Variants in PCDHGA11 observed in about 807,000 individuals in gnomAD.
The protein encoded by PCDHGA11 is protocadherin gamma subfamily A, 11.
In PCDHGA11, 39 loss-of-function variants were observed where a neutral mutation model predicts 60.4. The observed-to-expected ratio is 0.65, with a 90% CI of 0.50 to 0.84. The LOEUF (loss-of-function observed/expected upper bound fraction) is 0.84. PCDHGA11 is among the 40% of genes least tolerant of loss of function. The pLI is 0.00. For synonymous variants in PCDHGA11, 533 were observed against 510.3 expected (o/e 1.04, Z -0.60); for missense variants, 1,165 against 1,197.7 (o/e 0.97, Z 0.40).
At chr5:141,458,774 A>G (rs2154566349) in intron 1 of PCDHGA11, among the ~76,000 whole-genome samples, 1 of 151,812 alleles carries the variant, frequency 6.6e-6, no homozygotes, top group Admixed American at 6.6e-5. Flanking sequence ...GCTGTGTCAC[A>G]CAGGCTGGAG....
At position 141,477,763 on chromosome 5, in the gene PCDHGA11, C is replaced by A. The variant is rs763322593; in HGVS notation, c.2434-17044C>A. On this transcript the variant is annotated intron_variant, in intron 1 of 3. Coordinates refer to ENST00000398587, the MANE Select transcript of PCDHGA11 (RefSeq NM_018914.3). The surrounding 1 kb of genome is among the most constrained non-coding windows in gnomAD (Gnocchi z 4.9). ...ATGGGGGCACCCCGGTCCTAGCCAC[C>A]AACATCAGCGTGAACATATTTGTCA... 5.0e-6 allele frequency: 8 copies of A among 1,613,894 alleles called. No homozygotes were observed. The East Asian group carries it at 1.6e-4, about 31-fold the overall frequency.
chr5:141,477,629 C>T lies in PCDHGA11; in HGVS notation c.2434-17178C>T, dbSNP rs1191573380. 6.2e-7 allele frequency: 1 copy of T among 1,614,158 alleles called. No homozygotes were observed. Reference sequence around the variant, plus strand: ...CTTGGAGCAAGGAGCTGAAACCGGGCTAGTGGGTCGCTATTTCACAATAAA... The same window carrying T: ...CTTGGAGCAAGGAGCTGAAACCGGGTTAGTGGGTCGCTATTTCACAATAAA... On this transcript the variant is annotated intron_variant, in intron 1 of 3. Coordinates refer to ENST00000398587, the MANE Select transcript of PCDHGA11 (RefSeq NM_018914.3). The surrounding 1 kb of genome is among the most constrained non-coding windows in gnomAD (Gnocchi z 4.9).
intron 1 of PCDHGA11, among the ~76,000 whole-genome samples, chr5:141,482,089 C>CAA (rs36035257): frequency 1.0e-3 from 137 of 134,516 alleles, no homozygotes; most frequent in African/African-American, 1.5e-3. Context: ...CACTCCATCT[C>CAA]AAAAAAAAAA....
At position 141,489,369 on chromosome 5, in the gene PCDHGA11, G is replaced by T; in HGVS notation, c.2434-5438G>T. ...TGGTGGAGGAGTCTGAGCCGGGGAC[G>T]CTGGTGGGGAATGTTGCTCAGGATC... On this transcript the variant is annotated intron_variant, in intron 1 of 3. Coordinates refer to ENST00000398587, the MANE Select transcript of PCDHGA11 (RefSeq NM_018914.3). This position sits in a 1 kb window ranked among gnomAD's most constrained non-coding sequence, Gnocchi z 4.5. 6.2e-7 allele frequency: 1 copy of T among 1,613,592 alleles called. No homozygotes were observed.
At chr5:141,427,856 C>T (rs1487451079) in intron 1 of PCDHGA11, 6 of 1,553,060 alleles carry the variant, frequency 3.9e-6, no homozygotes, top group Non-Finnish European at 5.3e-6. Flanking sequence ...AGCAGCTGTG[C>T]GCCTTCGAGC....
chr5:141,492,461 G>T (rs1218833302), intron 1 of PCDHGA11, among the ~76,000 whole-genome samples: 1 of 152,212 alleles, frequency 6.6e-6, no homozygotes, highest in Non-Finnish European at 1.5e-5. Flanking sequence ...CGCGCCTGAG[G>T]GTCCCAGATC....
chr5:141,491,438 G>A lies in PCDHGA11; in HGVS notation c.2434-3369G>A, dbSNP rs376927300. The A allele has an allele frequency of 3.7e-6, 6 of 1,614,066 alleles. No homozygotes were observed. Among genetic ancestry groups the A allele is most frequent in the Admixed American group, 1.7e-5 (1 of 60,016 alleles). On this transcript the variant is annotated intron_variant, in intron 1 of 3. Coordinates refer to ENST00000398587, the MANE Select transcript of PCDHGA11 (RefSeq NM_018914.3). This position sits in a 1 kb window ranked among gnomAD's most constrained non-coding sequence, Gnocchi z 6.9. ...GGGGGTGGAGGGCAGTGCTGCAGGC[G>A]CCAGGACTCACCCTCCCCGGACTTC...
intron 1 of PCDHGA11, among the ~76,000 whole-genome samples, chr5:141,453,217 G>A (rs770914741): frequency 1.2e-4 from 19 of 152,100 alleles, no homozygotes; most frequent in Admixed American, 1.0e-3. Context: ...GCACTTAAGC[G>A]ATCCTCCCAC....
At position 141,489,295 on chromosome 5, in the gene PCDHGA11, T is replaced by C. The variant is rs2099685128; in HGVS notation, c.2434-5512T>C. 1.3e-6 allele frequency: 2 copies of C among 1,581,054 alleles called. No individual in the cohort carries two copies. The highest frequency in any genetic ancestry group is 1.7e-5 in the Admixed American group (1 of 57,148). ...TGGGAAATGGCAAGTGCTGTGCATG[T>C]TGTCCTTGTGCTGCTGGGGCTGGGT... On this transcript the variant is annotated intron_variant, in intron 1 of 3. Transcript: ENST00000398587. The surrounding 1 kb of genome is among the most constrained non-coding windows in gnomAD (Gnocchi z 4.5).
At position 141,487,148 on chromosome 5, in the gene PCDHGA11, G is replaced by A; in HGVS notation, c.2434-7659G>A. ...TGGTAGTCCACCACTCTCTACCTCT[G>A]TTACTCTCTTAGTGTCCTTAGAGGA... On this transcript the variant is annotated intron_variant, in intron 1 of 3. Transcript: ENST00000398587. This position sits in a 1 kb window ranked among gnomAD's most constrained non-coding sequence, Gnocchi z 5.0. The A allele has an allele frequency of 6.2e-7, 1 of 1,614,042 alleles. No homozygotes were observed. The highest frequency in any genetic ancestry group is 8.5e-7 in the Non-Finnish European group (1 of 1,179,922).
chr5:141,471,404 TTA>T (rs1320685792), intron 1 of PCDHGA11: 3 of 152,170 alleles, frequency 2.0e-5, no homozygotes, highest in Non-Finnish European at 4.4e-5. Flanking sequence ...GTAGCTAGGC[TTA>T]GTTATGTTTT....
rs1168649993 is a variant in PCDHGA11, at chr5:141,432,243, C to G, written c.2433+8583C>G. On this transcript the variant is annotated intron_variant, in intron 1 of 3. Transcript: ENST00000398587. The surrounding 1 kb of genome is among the most constrained non-coding windows in gnomAD (Gnocchi z 6.0). ...ATCACTTATTCCCTGGCTGAGAACA[C>G]CATCCAAGGGGCAAGCCTATCGTCC... 1 of 1,614,244 alleles carries G rather than the reference C, an allele frequency of 6.2e-7. No individual in the cohort carries two copies. Among genetic ancestry groups the G allele is most frequent in the Non-Finnish European group, 8.5e-7 (1 of 1,180,050 alleles).
chr5:141,487,688 G>T lies in PCDHGA11; in HGVS notation c.2434-7119G>T, dbSNP rs376927186. ...AGGCATATGGCTAGGCCATGTCCTAGAGAGTACTGGCCTCTCAGTAAGTGC... is the reference window on the plus strand; with the variant it reads ...AGGCATATGGCTAGGCCATGTCCTATAGAGTACTGGCCTCTCAGTAAGTGC... On this transcript the variant is annotated intron_variant, in intron 1 of 3. Coordinates refer to ENST00000398587, the MANE Select transcript of PCDHGA11 (RefSeq NM_018914.3). The surrounding 1 kb of genome is among the most constrained non-coding windows in gnomAD (Gnocchi z 5.0). 1.2e-6 allele frequency: 2 copies of T among 1,604,966 alleles called. No individual in the cohort carries two copies.
rs775312856 is a variant in PCDHGA11, at chr5:141,485,899, C to G, written c.2434-8908C>G. 1.9e-6 allele frequency: 3 copies of G among 1,614,166 alleles called. No homozygotes were observed. Among genetic ancestry groups the G allele is most frequent in the Non-Finnish European group, 2.5e-6 (3 of 1,180,032 alleles). ...ACGTAAACGACAACGCCCCAGCCTT[C>G]CAGCAATCCAGCTACAGGATTAGTG... On this transcript the variant is annotated intron_variant, in intron 1 of 3. Transcript: ENST00000398587. The surrounding 1 kb of genome is among the most constrained non-coding windows in gnomAD (Gnocchi z 5.7).
chr5:141,456,576 A>C (rs1383992335), intron 1 of PCDHGA11, among the ~76,000 whole-genome samples: 2 of 152,188 alleles, frequency 1.3e-5, no homozygotes, highest in African/African-American at 4.8e-5. Context: ...ATTTTCCCTG[A>C]GCCTGTCAAT....
At chr5:141,464,611 A>G (rs2099087451) in intron 1 of PCDHGA11, among the ~76,000 whole-genome samples, 3 of 152,194 alleles carry the variant, frequency 2.0e-5, no homozygotes, top group African/African-American at 7.2e-5. Context: ...TTTGCAGAGT[A>G]TATTGTCAAG....
chr5:141,460,270 C>G (rs1223096441), intron 1 of PCDHGA11, among the ~76,000 whole-genome samples: 1 of 151,828 alleles, frequency 6.6e-6, no homozygotes, highest in Non-Finnish European at 1.5e-5. Context: ...TTTATTTTTT[C>G]TTTTATAGTT....
chr5:141,431,146 T>G lies in PCDHGA11; in HGVS notation c.2433+7486T>G. On this transcript the variant is annotated intron_variant, in intron 1 of 3. Coordinates refer to ENST00000398587, the MANE Select transcript of PCDHGA11 (RefSeq NM_018914.3). The surrounding 1 kb of genome is among the most constrained non-coding windows in gnomAD (Gnocchi z 4.8). The stretch of plus-strand genomic sequence containing the variant: ...TAGAAGTAAGGGACATTAACGACAA[T>G]GCGCCTTACTTTCGTGAAAGTGAAT... 6.2e-7 allele frequency: 1 copy of G among 1,614,124 alleles called. No individual in the cohort carries two copies. Among genetic ancestry groups the G allele is most frequent in the African/African-American group, 1.3e-5 (1 of 75,022 alleles).
Position 141,491,586 on chromosome 5 carries a change from G to T in PCDHGA11, c.2434-3221G>T, listed in dbSNP as rs373990387. ...ACAGGACGTGCTTTTCACCGGCCTC[G>T]GACGGCAGTGACTTCACTTTTCTAA... On this transcript the variant is annotated intron_variant, in intron 1 of 3. Transcript: ENST00000398587. This position sits in a 1 kb window ranked among gnomAD's most constrained non-coding sequence, Gnocchi z 6.9. 2.1e-5 allele frequency: 34 copies of T among 1,613,792 alleles called. No individual in the cohort carries two copies. In the African/African-American group the frequency reaches 2.4e-4, roughly 11 times the overall value.
Sources: gnomAD v4.1 joint callset for allele counts (sites outside exome capture counted in the v4.1 genomes callset) on GRCh38, gnomAD v4.1.1 for gene constraint, Gnocchi (gnomAD v3.1) non-coding constraint, MANE v1.5 for transcripts, NCBI Gene and HGNC (gene_info 2026-07-23, HGNC 2026-07-21) for gene names.